The following STAB1 variants were observed in gnomAD, a reference collection of about 807,000 sequenced individuals.
STAB1 encodes stabilin 1.
Under a neutral mutation model 332.4 loss-of-function variants are expected in STAB1, and 250 were observed. That is an observed-to-expected ratio of 0.75 (90% CI 0.68 to 0.84). The LOEUF (loss-of-function observed/expected upper bound fraction) is 0.84. STAB1 is among the 40% of genes least tolerant of loss of function. STAB1 has a pLI of 0.00. For synonymous variants in STAB1, 1,475 were observed against 1,390.4 expected (o/e 1.06, Z -1.35); for missense variants, 3,249 against 3,489.7 (o/e 0.93, Z 1.74).
intron 39 of STAB1, 42 bp downstream of exon 39, chr3:52,516,493 G>A: frequency 6.2e-7 from 1 of 1,613,488 alleles, no homozygotes; most frequent in Non-Finnish European, 8.5e-7. Flanking sequence ...GGCTACTGAG[G>A]AGGCTGTTCC....
chr3:52,499,541 C>G (rs554660653), intron 1 of STAB1, among the ~76,000 whole-genome samples: 17 of 152,364 alleles, frequency 1.1e-4, no homozygotes, highest in African/African-American at 4.1e-4. Context: ...TAATGATGGC[C>G]TCTTTCCCAC....
At position 52,524,168 on chromosome 3, in the gene STAB1, C is replaced by T. The variant is rs764876108; in HGVS notation, c.7611C>T (p.Val2537=). ...QEGTNPTLVS[V]PNPVFGSDTF... ...GGACCAACCCCACCCTGGTCTCTGTCCCCAACCCTGTCTTTGGCAGCGACA... is the reference window on the plus strand; with the variant it reads ...GGACCAACCCCACCCTGGTCTCTGTTCCCAACCCTGTCTTTGGCAGCGACA... Residue 2537 remains valine, a synonymous_variant, in exon 68 of 69, where the codon GTC becomes GTT. Transcript: ENST00000321725. The T allele has an allele frequency of 7.4e-6, 12 of 1,613,974 alleles. No individual in the cohort carries two copies. The Admixed American group carries it at 1.8e-4, about 25-fold the overall frequency.
At chr3:52,506,609 T>TG in intron 17 of STAB1, 83 bp from the exon 18 acceptor site, 1 of 1,437,178 alleles carries the variant, frequency 7.0e-7, no homozygotes, top group Non-Finnish European at 9.3e-7. Context: ...CTGCTCTAAC[T>TG]GGGCTGCAGG....
chr3:52,510,207 A>T lies in STAB1; in HGVS notation c.2600A>T (p.His867Leu). Residue 867 changes from histidine to leucine, a missense_variant, in exon 24 of 69, where the codon CAC becomes CTC. Physicochemically the swap from His to Leu is moderately conservative, Grantham distance 99 (BLOSUM62 -3). Coordinates refer to ENST00000321725, the MANE Select transcript of STAB1 (RefSeq NM_015136.3). ...FSCTPSNPCS[H>L]PDRGGCSENA... ...TGCACACCTAGCAACCCCTGCTCCC[A>T]CCCGGACCGTGGAGGCTGCTCAGAG... 1 of 1,613,776 alleles carries T rather than the reference A, an allele frequency of 6.2e-7. No homozygotes were observed. The highest frequency in any genetic ancestry group is 2.2e-5 in the East Asian group (1 of 44,878).
rs762996716 is a variant in STAB1 at position 52,505,937 on chromosome 3, G to A, written c.1749+1G>A. 6 of 1,613,636 alleles carry A rather than the reference G, an allele frequency of 3.7e-6. No homozygotes were observed. Among genetic ancestry groups the A allele is most frequent in the Non-Finnish European group, 8.5e-7 (1 of 1,180,036 alleles). ...GTACCACATCTACAACCACGGCCAG[G>A]TGCGAGGTCTTTTTCTGGGGGGCGG... On this transcript the variant is annotated splice_donor_variant, in intron 16 of 68. Transcript: ENST00000321725. LOFTEE classifies it high-confidence loss of function.
intron 44 of STAB1, 124 bp from the exon 45 acceptor site, chr3:52,517,757 T>C: frequency 6.4e-7 from 1 of 1,570,828 alleles, no homozygotes. Context: ...AAGCTCGAGT[T>C]TAATCAGTAG....
chr3:52,520,825 C>T lies in STAB1; in HGVS notation c.5728C>T (p.Arg1910Cys), dbSNP rs751533567. ...CCAGGGCAGCCCTGAGGCCTGCTGG[C>T]GCTTCTACCCGAAGTTCTGGACGTC... ...QEQGSPEACW[R>C]FYPKFWTSPP... Residue 1910 changes from arginine to cysteine, a missense_variant, in exon 55 of 69, where the codon CGC becomes TGC. Physicochemically the swap from Arg to Cys is radical, Grantham distance 180. Transcript: ENST00000321725. The T allele has an allele frequency of 9.3e-6, 15 of 1,612,820 alleles. No individual in the cohort carries two copies. The highest frequency in any genetic ancestry group is 2.2e-5 in the East Asian group (1 of 44,878).
chr3:52,521,709 C>A lies in STAB1; in HGVS notation c.6163+9C>A. ...CTGTGAGGTGCAACTGGGTGAGTAG[C>A]CCCGTGCTCGTGCCCACCCTACACA... On this transcript the variant is annotated intron_variant, in intron 57 of 68. Transcript: ENST00000321725. 6.2e-7 allele frequency: 1 copy of A among 1,612,164 alleles called. No homozygotes were observed. Among genetic ancestry groups the A allele is most frequent in the Non-Finnish European group, 8.5e-7 (1 of 1,179,616 alleles).
At chr3:52,504,426 G>A in intron 10 of STAB1, 35 bp from the exon 11 acceptor site, 1 of 1,608,636 alleles carries the variant, frequency 6.2e-7, no homozygotes, top group Non-Finnish European at 8.5e-7. Context: ...AGTCTCCCCA[G>A]CTCCCTTCTG....
At position 52,512,856 on chromosome 3, in the gene STAB1, G is replaced by C. The variant is rs150311081; in HGVS notation, c.3056G>C (p.Arg1019Pro). The change falls in exon 29 of 69, where the codon CGC becomes CCC. Residue 1019 changes from arginine to proline, a missense_variant. Coordinates refer to ENST00000321725, the MANE Select transcript of STAB1 (RefSeq NM_015136.3). ...GCCGGCATCACGCTTCCTGCCGACC[G>C]CCGAGTCACAGCCCTGGTGCCCTCC... ...KSAGITLPAD[R>P]RVTALVPSEA... 1 of 1,610,088 alleles carries C rather than the reference G, an allele frequency of 6.2e-7. No homozygotes were observed. The highest frequency in any genetic ancestry group is 1.3e-5 in the African/African-American group (1 of 74,904).
Position 52,505,735 on chromosome 3 carries a change from C to T in STAB1, c.1649C>T (p.Ala550Val). 1 of 1,613,910 alleles carries T rather than the reference C, an allele frequency of 6.2e-7. No individual in the cohort carries two copies. The highest frequency in any genetic ancestry group is 8.5e-7 in the Non-Finnish European group (1 of 1,180,036). Reference protein sequence around the residue: ...PFTVFAPSNEAVDSLRDGRLI... With the variant: ...PFTVFAPSNEVVDSLRDGRLI... ...ACAGTCTTTGCCCCAAGCAATGAGG[C>T]TGTGGACAGCTTGCGTGACGGCCGC... Residue 550 changes from alanine (A) to valine (V), a missense_variant, in exon 15 of 69, where the codon GCT becomes GTT. Ala to Val is a moderately conservative substitution (Grantham distance 64). Coordinates refer to ENST00000321725, the MANE Select transcript of STAB1 (RefSeq NM_015136.3).
rs573789649 is a variant in STAB1, at chr3:52,498,837, T to C, written c.79-2329T>C. 1.1e-3 allele frequency among the ~76,000 whole-genome samples: 169 copies of C among 152,338 alleles called. 2 individuals are homozygous for C. Among genetic ancestry groups the C allele is most frequent in the Middle Eastern group, 3.4e-3 (1 of 294 alleles). ...GTTACCCAATTTCCTAGTCTCTCCCTGGCTCAGCAAAGGCGAGCCTCAGGA... is the reference window on the plus strand; with the variant it reads ...GTTACCCAATTTCCTAGTCTCTCCCCGGCTCAGCAAAGGCGAGCCTCAGGA... On this transcript the variant is annotated intron_variant, in intron 1 of 68. Transcript: ENST00000321725.
chr3:52,515,178 C>A, intron 36 of STAB1, 133 bp downstream of exon 36: 1 of 1,201,676 alleles, frequency 8.3e-7, no homozygotes. Context: ...GGGTGGCTGA[C>A]GTCCCCATAG....
In STAB1 at chr3:52,518,730, T is replaced by C. The variant is rs957456107; in HGVS notation, c.4895T>C (p.Leu1632Pro). ...CTCGCGACTCTGCTCCAGGATGAGC[T>C]GGCCCGGATTCGTGCGCATCGCCAG... Reference protein sequence around the residue: ...DLMSNLSQDELARIRAHRQLV... With the variant: ...DLMSNLSQDEPARIRAHRQLV... The change falls in exon 48 of 69, where the codon CTG (leucine) becomes CCG (proline). Residue 1632 changes from leucine (L) to proline (P), a missense_variant. Leu to Pro is a moderately conservative substitution (Grantham distance 98, BLOSUM62 -3). Transcript: ENST00000321725. 1.2e-6 allele frequency: 2 copies of C among 1,612,470 alleles called. No individual in the cohort carries two copies. Among genetic ancestry groups the C allele is most frequent in the Non-Finnish European group, 8.5e-7 (1 of 1,179,736 alleles).
intron 20 of STAB1, 40 bp from the exon 21 acceptor site, chr3:52,508,233 G>A: frequency 6.3e-7 from 1 of 1,576,864 alleles, no homozygotes; most frequent in Non-Finnish European, 8.7e-7. Context: ...GGGAGGGCAT[G>A]GACCCAGATG....
At chr3:52,495,566 A>G (rs1707948821) in intron 1 of STAB1, 75 bp downstream of exon 1, 1 of 1,218,234 alleles carries the variant, frequency 8.2e-7, no homozygotes, top group East Asian at 3.1e-5. Context: ...GGAGGGACTG[A>G]CATGGAGGGG....
chr3:52,509,610 C>T, intron 22 of STAB1: 1 of 595,254 alleles, frequency 1.7e-6, no homozygotes, highest in South Asian at 2.0e-5. Context: ...GTATGCGGGA[C>T]TTAGGTCAGA....
At chr3:52,514,253 G>A in intron 33 of STAB1, 40 bp downstream of exon 33, 1 of 1,608,552 alleles carries the variant, frequency 6.2e-7, no homozygotes, top group Non-Finnish European at 8.5e-7. Flanking sequence ...GGAGGGCAAA[G>A]GCATAGAGGG....
At chr3:52,514,538 T>C in intron 34 of STAB1, 42 bp downstream of exon 34, 1 of 1,528,178 alleles carries the variant, frequency 6.5e-7, no homozygotes, top group Non-Finnish European at 8.8e-7. Context: ...CCCGGGCCCC[T>C]ACCCCTGAAG....
Sources: allele counts gnomAD v4.1 joint callset (sites outside exome capture counted in the v4.1 genomes callset), GRCh38; gene constraint gnomAD v4.1.1; transcripts MANE v1.5; gene names NCBI Gene and HGNC (gene_info 2026-07-23, HGNC 2026-07-21).